GALNT13: variants seen among roughly 807,000 people sequenced by gnomAD.
GALNT13 encodes UDP-GalNAc:polypeptide N-acetylgalactosaminyltransferase 13.
Under a neutral mutation model 64.2 loss-of-function variants are expected in GALNT13, and 28 were observed. The observed-to-expected ratio is 0.44, with a 90% confidence interval of 0.32 to 0.60. GALNT13 has a LOEUF of 0.60. Ranked by LOEUF, GALNT13 falls within the 20% of genes least tolerant of loss-of-function variation. The probability of loss-of-function intolerance (pLI) is 0.05; values close to 1 mark genes in which losing one functional copy is unlikely to be tolerated. For missense variants in GALNT13, 577 were observed against 669.8 expected (o/e 0.86, Z 1.53); for synonymous variants, 214 against 224.6 (o/e 0.95, Z 0.42).
At chr2:154,429,871 C>G (rs1350230597) in intron 11 of GALNT13, among the ~76,000 whole-genome samples, 1 of 152,178 alleles carries the variant, frequency 6.6e-6, no homozygotes, top group Non-Finnish European at 1.5e-5. Flanking sequence ...AACAATTATG[C>G]TGAATCTACT....
At chr2:153,874,080 C>T (rs1454943201) in intron 1 of GALNT13, among the ~76,000 whole-genome samples, 1 of 149,660 alleles carries the variant, frequency 6.7e-6, no homozygotes, top group Non-Finnish European at 1.5e-5. Flanking sequence ...TCTTTCCCCC[C>T]GCACCCCCCT....
At chr2:153,346,043 C>T in the GALNT13 span, among the ~76,000 whole-genome samples, 7 of 152,066 alleles carry the variant, frequency 4.6e-5, 1 homozygote, top group South Asian at 4.2e-4. Flanking sequence ...GGCGCGATCT[C>T]GGCTCACTGC....
the GALNT13 span, among the ~76,000 whole-genome samples, chr2:153,276,476 T>C: frequency 6.6e-6 from 1 of 152,098 alleles, no homozygotes; most frequent in Admixed American, 6.5e-5. Context: ...TCTAGATGAA[T>C]AGCCAATATT....
chr2:153,577,525 T>C, the GALNT13 span, among the ~76,000 whole-genome samples: 1 of 152,144 alleles, frequency 6.6e-6, no homozygotes, highest in South Asian at 2.1e-4. Context: ...GTTAGGCCCT[T>C]GAGAGCATAA....
intron 3 of GALNT13, among the ~76,000 whole-genome samples, chr2:153,988,400 C>T (rs1243871894): frequency 6.6e-6 from 1 of 151,938 alleles, no homozygotes; most frequent in African/African-American, 2.4e-5. Flanking sequence ...TTTGGATTCT[C>T]CATGTAAGTG....
At chr2:153,404,961 TG>T in the GALNT13 span, among the ~76,000 whole-genome samples, 1 of 152,184 alleles carries the variant, frequency 6.6e-6, no homozygotes, top group African/African-American at 2.4e-5. Context: ...CTGTTGGCTC[TG>T]GGTGGGACAG....
At chr2:153,982,079 A>G (rs1694505143) in intron 3 of GALNT13, among the ~76,000 whole-genome samples, 1 of 152,086 alleles carries the variant, frequency 6.6e-6, no homozygotes, top group Non-Finnish European at 1.5e-5. Context: ...TTTCAAACTG[A>G]CACTCAACTG....
intron 9 of GALNT13, among the ~76,000 whole-genome samples, chr2:154,327,105 G>A (rs1694913997): frequency 6.6e-6 from 1 of 152,006 alleles, no homozygotes; most frequent in Non-Finnish European, 1.5e-5. Context: ...TTTCCCCCAT[G>A]CTGTTCTCAC....
At chr2:153,195,990 C>T in the GALNT13 span, among the ~76,000 whole-genome samples, 3 of 152,300 alleles carry the variant, frequency 2.0e-5, no homozygotes, top group East Asian at 5.8e-4. Context: ...AGTAGCTCCT[C>T]TCTGCAGCTG....
chr2:153,542,694 A>G, the GALNT13 span, among the ~76,000 whole-genome samples: 7 of 152,198 alleles, frequency 4.6e-5, no homozygotes, highest in Non-Finnish European at 7.3e-5. Flanking sequence ...AAACAACCCT[A>G]TCAAGGTTTT....
At chr2:154,204,329 ATG>A (rs1241909001) in intron 4 of GALNT13, among the ~76,000 whole-genome samples, 2 of 152,160 alleles carry the variant, frequency 1.3e-5, no homozygotes, top group African/African-American at 4.8e-5. Flanking sequence ...AAAATATAAG[ATG>A]TGTCTGTCTT....
intron 9 of GALNT13, among the ~76,000 whole-genome samples, chr2:154,337,987 T>C (rs890425140): frequency 6.6e-6 from 1 of 152,054 alleles, no homozygotes; most frequent in South Asian, 2.1e-4. Context: ...TAGTTATAGA[T>C]AAAACTGGTC....
chr2:153,735,403 G>A, the GALNT13 span, among the ~76,000 whole-genome samples: 3 of 151,978 alleles, frequency 2.0e-5, no homozygotes, highest in East Asian at 5.8e-4. Flanking sequence ...CCTTTTTAAG[G>A]GGTTGCAATG....
chr2:153,504,795 T>G, the GALNT13 span, among the ~76,000 whole-genome samples: 1 of 152,326 alleles, frequency 6.6e-6, no homozygotes, highest in East Asian at 1.9e-4. Flanking sequence ...CGTATTTTGT[T>G]GAGGATTTTT....
chr2:154,399,243 C>A (rs1347401982), intron 10 of GALNT13, among the ~76,000 whole-genome samples: 8 of 151,976 alleles, frequency 5.3e-5, no homozygotes, highest in South Asian at 2.1e-4. Context: ...ATAGTGAGAA[C>A]CCATCTCTAT....
chr2:153,247,180 T>C, the GALNT13 span, among the ~76,000 whole-genome samples: 1 of 152,154 alleles, frequency 6.6e-6, no homozygotes, highest in African/African-American at 2.4e-5. Flanking sequence ...TCTCACATAA[T>C]AATAGTGGGA....
At chr2:153,409,333 T>TATATATATATGA in the GALNT13 span, among the ~76,000 whole-genome samples, 2 of 139,154 alleles carry the variant, frequency 1.4e-5, no homozygotes, top group Non-Finnish European at 3.2e-5. Context: ...TATTCATATG[T>TATATATATATGA]ATATGTATAT....
chr2:153,793,696 T>A, the GALNT13 span, among the ~76,000 whole-genome samples: 6 of 151,672 alleles, frequency 4.0e-5, no homozygotes, highest in Non-Finnish European at 8.8e-5. Flanking sequence ...CCATATTACA[T>A]GTTATGTATC....
At chr2:153,215,711 T>C in the GALNT13 span, among the ~76,000 whole-genome samples, 4 of 152,094 alleles carry the variant, frequency 2.6e-5, no homozygotes, top group African/African-American at 9.6e-5. Context: ...TGAATTTCTA[T>C]GTGTCTTGCC....
Sources: gnomAD v4.1 joint callset for allele counts (sites outside exome capture counted in the v4.1 genomes callset) on GRCh38, gnomAD v4.1.1 for gene constraint, MANE v1.5 for transcripts, NCBI Gene and HGNC (gene_info 2026-07-23, HGNC 2026-07-21) for gene names.